The following JAK1 variants were observed in gnomAD, a reference collection of about 807,000 sequenced individuals.
JAK1 encodes tyrosine-protein kinase JAK1.
In JAK1, 16 loss-of-function variants were observed where a neutral mutation model predicts 136.6. That is an observed-to-expected ratio of 0.12 (90% CI 0.08 to 0.18). JAK1 has a LOEUF of 0.18. Among genes scored for constraint, JAK1 ranks in the 10% least tolerant of loss-of-function variants. The pLI, the probability that JAK1 is intolerant of heterozygous loss-of-function variation, is 1.00. For missense variants in JAK1, 859 were observed against 1,450.1 expected (o/e 0.59, Z 6.62); for synonymous variants, 492 against 519.5 (o/e 0.95, Z 0.72).
At position 64,847,609 on chromosome 1, in the gene JAK1, C is replaced by T. The variant is rs750622516; in HGVS notation, c.1822G>A (p.Asp608Asn). The T allele has an allele frequency of 5.0e-6, 8 of 1,614,146 alleles. 1 individual carries two copies. Among genetic ancestry groups the T allele is most frequent in the South Asian group, 1.1e-5 (1 of 91,078 alleles). The change falls in exon 13 of 25, where the codon GAC becomes AAC. Residue 608 changes from aspartate to asparagine, a missense_variant. Physicochemically the swap from Asp to Asn is conservative, Grantham distance 23. Transcript: ENST00000342505. ...YSGTLMDYKD[D>N]EGTSEEKKIK... Reference sequence around the variant, plus strand: ...TTCTTCTCTTCAGAAGTTCCTTCGTCATCCTTGTAATCCATCAGGGTCCCA... The same window carrying T: ...TTCTTCTCTTCAGAAGTTCCTTCGTTATCCTTGTAATCCATCAGGGTCCCA...
chr1:64,929,266 C>T (rs113893413), intron 1 of JAK1, among the ~76,000 whole-genome samples: 142 of 152,342 alleles, frequency 9.3e-4, no homozygotes, highest in Non-Finnish European at 1.8e-3. Flanking sequence ...TATCATCTGT[C>T]TTGCAGTTTG....
chr1:64,950,798 A>G (rs991095799), intron 1 of JAK1, among the ~76,000 whole-genome samples: 3 of 152,224 alleles, frequency 2.0e-5, no homozygotes, highest in Non-Finnish European at 4.4e-5. Flanking sequence ...TCTCTATGTG[A>G]CTACCTTCTG....
intron 1 of JAK1, among the ~76,000 whole-genome samples, chr1:64,939,812 A>G (rs765463156): frequency 1.3e-5 from 2 of 152,212 alleles, no homozygotes; most frequent in Non-Finnish European, 2.9e-5. Context: ...GGAACCAGAA[A>G]CAAAATAAGA....
chr1:64,954,120 G>C (rs1646140953), intron 1 of JAK1, among the ~76,000 whole-genome samples: 1 of 152,168 alleles, frequency 6.6e-6, no homozygotes, highest in Non-Finnish European at 1.5e-5. Flanking sequence ...CCAATGTCAG[G>C]AGAGAAAGAG....
rs116690071 is a variant in JAK1 at position 64,903,441 on chromosome 1, T to A, written c.-77-17100A>T. 3.1e-3 allele frequency among the ~76,000 whole-genome samples: 469 copies of A among 152,292 alleles called. 1 individual carries two copies. Among genetic ancestry groups the A allele is most frequent in the African/African-American group, 0.011 (440 of 41,550 alleles). ...CAGAGGGAGCAGAGCAGGGACACAATGAAGACTGGAAATGTGTAATTCTCT... is the reference window on the plus strand; with the variant it reads ...CAGAGGGAGCAGAGCAGGGACACAAAGAAGACTGGAAATGTGTAATTCTCT... On this transcript the variant is annotated intron_variant, in intron 1 of 24. Transcript: ENST00000342505.
chr1:64,990,580 A>G (rs1646645847), intron 2 of JAK1: 1 of 152,174 alleles, frequency 6.6e-6, no homozygotes. Flanking sequence ...CAACAACAAA[A>G]AAAATCACAA....
At chr1:65,003,411 G>A (rs1320598531) in intron 2 of JAK1, 1 of 152,158 alleles carries the variant, frequency 6.6e-6, no homozygotes, top group African/African-American at 2.4e-5. Context: ...GTTTGGGGGA[G>A]AAGTCAGGCG....
At chr1:64,918,367 T>C (rs1170049083) in intron 1 of JAK1, 6 of 152,264 alleles carry the variant, frequency 3.9e-5, no homozygotes, top group Non-Finnish European at 7.3e-5. Flanking sequence ...TACTTTATTC[T>C]GAGATACTAC....
intron 2 of JAK1, among the ~76,000 whole-genome samples, chr1:65,033,704 A>T (rs1325596759): frequency 7.0e-6 from 1 of 143,712 alleles, no homozygotes; most frequent in Non-Finnish European, 1.5e-5. Context: ...CCCAGGTAAC[A>T]TTGTGAGACT....
At chr1:64,876,966 C>T (rs776948938) in intron 4 of JAK1, among the ~76,000 whole-genome samples, 1 of 152,120 alleles carries the variant, frequency 6.6e-6, no homozygotes, top group Non-Finnish European at 1.5e-5. Context: ...TTTTAATGGA[C>T]TGTGAAATTC....
chr1:64,973,581 A>G (rs1245961945), intron 2 of JAK1: 2 of 147,904 alleles, frequency 1.4e-5, no homozygotes, highest in Non-Finnish European at 3.0e-5. Context: ...TATTAAGTAA[A>G]TGTTCACCTT....
chr1:64,981,114 T>C (rs953927646), intron 2 of JAK1, among the ~76,000 whole-genome samples: 6 of 152,180 alleles, frequency 3.9e-5, no homozygotes, highest in Non-Finnish European at 8.8e-5. Context: ...ACAATGGCGA[T>C]ATTGTCTCCA....
chr1:64,913,693 A>G (rs1220577210), intron 1 of JAK1, among the ~76,000 whole-genome samples: 4 of 38,852 alleles, frequency 1.0e-4, no homozygotes, highest in African/African-American at 2.2e-4. Context: ...GGAAGGAAGG[A>G]AGGAAGGAAA....
Position 64,847,542 on chromosome 1 carries a change from T to C in JAK1, c.1889A>G (p.Asp630Gly). ...ILKVLDPSHR[D>G]ISLAFFEAAS... Reference sequence around the variant, plus strand: ...GAGGAAGACACTTGCCAGGGAAATATCCCTGTGGCTGGGGTCTAAGACTTT... The same window carrying C: ...GAGGAAGACACTTGCCAGGGAAATACCCCTGTGGCTGGGGTCTAAGACTTT... Residue 630 changes from aspartate (D) to glycine (G), a missense_variant, in exon 13 of 25, where the codon GAT (aspartate) becomes GGT (glycine). Asp to Gly is a moderately conservative substitution (Grantham distance 94, BLOSUM62 -1). Around this residue, in one of 4 missense-constraint regions of JAK1, gnomAD observed 409 missense variants for 753.8 expected, o/e 0.54. Transcript: ENST00000342505. 6.2e-7 allele frequency: 1 copy of C among 1,614,026 alleles called. No individual in the cohort carries two copies.
At chr1:64,868,010 AAGAG>A (rs139348914) in intron 6 of JAK1, among the ~76,000 whole-genome samples, 30 of 146,940 alleles carry the variant, frequency 2.0e-4, no homozygotes, top group South Asian at 8.7e-4. Context: ...CCCCACAAAA[AAGAG>A]AGAGAGAGAG....
At chr1:64,997,101 GTAGT>G (rs1177947264) in intron 2 of JAK1, among the ~76,000 whole-genome samples, 1 of 152,208 alleles carries the variant, frequency 6.6e-6, no homozygotes, top group East Asian at 1.9e-4. Context: ...TCCTGAGTAA[GTAGT>G]TAACCCCAGG....
intron 1 of JAK1, among the ~76,000 whole-genome samples, chr1:64,924,246 T>C (rs1645544640): frequency 6.6e-6 from 1 of 152,186 alleles, no homozygotes; most frequent in Admixed American, 6.5e-5. Flanking sequence ...AGTAGTGGCA[T>C]TCCTAGAAAA....
intron 2 of JAK1, among the ~76,000 whole-genome samples, chr1:65,013,059 G>T (rs1646862913): frequency 7.5e-6 from 1 of 132,554 alleles, no homozygotes; most frequent in African/African-American, 2.9e-5. Flanking sequence ...TCGTGCCACT[G>T]CACTCCAGCC....
rs545815170 is a variant in JAK1, at chr1:65,057,673, A to C, written c.-181+9931T>G. The C allele has an allele frequency of 2.4e-4, 37 of 154,936 alleles. No homozygotes were observed. The South Asian group carries it at 6.7e-3, about 28-fold the overall frequency. The allele number at this position is 154,936 out of a possible 1,614,324, so 9.6% of individuals were successfully genotyped here. On this transcript the variant is annotated intron_variant, in intron 1 of 25. Transcript: ENST00000671954. ...CACTGCACTCCCGTGTGGGCAACAA[A>C]AAAAAAATTTCCTAGTCTTTCATGC...
Sources: allele counts gnomAD v4.1 joint callset (sites outside exome capture counted in the v4.1 genomes callset), GRCh38; gene constraint gnomAD v4.1.1; regional missense constraint gnomAD v4.1.1; transcripts MANE v1.5; gene names NCBI Gene and HGNC (gene_info 2026-07-23, HGNC 2026-07-21).